The following NINJ2 variants were observed in gnomAD, a reference collection of about 807,000 sequenced individuals.
NINJ2 encodes ninjurin 2.
In NINJ2, 12 loss-of-function variants were observed where a neutral mutation model predicts 11.7. That is an observed-to-expected ratio of 1.02 (90% CI 0.66 to 1.66). NINJ2 has a LOEUF of 1.66. Ranked by LOEUF, NINJ2 falls within the 40% of genes most tolerant of loss-of-function variation. NINJ2 has a pLI of 0.00. For synonymous variants in NINJ2, 93 were observed against 76.8 expected, an observed-to-expected ratio of 1.21 and a Z score of -1.10; for missense variants, 187 against 181.8, an observed-to-expected ratio of 1.03 and a Z score of -0.16.
chr12:658,198 C>T (rs1045729326), intron 1 of NINJ2, among the ~76,000 whole-genome samples: 3 of 151,718 alleles, frequency 2.0e-5, no homozygotes, highest in Non-Finnish European at 4.4e-5. Context: ...GGGGTTTCAC[C>T]ATGTTAGCGA....
At chr12:659,851 C>G (rs1937932887) in intron 1 of NINJ2, among the ~76,000 whole-genome samples, 2 of 152,160 alleles carry the variant, frequency 1.3e-5, no homozygotes, top group African/African-American at 4.8e-5. Flanking sequence ...TCCATGTCAC[C>G]CAGGGCTGCC....
At chr12:631,397 C>T (rs1473519079) in intron 1 of NINJ2, among the ~76,000 whole-genome samples, 1 of 152,136 alleles carries the variant, frequency 6.6e-6, no homozygotes, top group East Asian at 1.9e-4. Context: ...CGGAGTCTCC[C>T]TCTGTCACCA....
intron 1 of NINJ2, among the ~76,000 whole-genome samples, chr12:578,628 A>AT (rs1385005468): frequency 6.6e-6 from 1 of 152,068 alleles, no homozygotes; most frequent in African/African-American, 2.4e-5. Context: ...GAGAGCACCC[A>AT]TTTTTTAAGT....
At chr12:643,410 G>A (rs1032190138) in intron 1 of NINJ2, 1 of 984,202 alleles carries the variant, frequency 1.0e-6, no homozygotes, top group Admixed American at 6.1e-5. Flanking sequence ...GCCAGCCCTC[G>A]GGCCTACATC....
At chr12:601,347 C>A (rs972678965) in intron 1 of NINJ2, among the ~76,000 whole-genome samples, 3 of 143,888 alleles carry the variant, frequency 2.1e-5, no homozygotes, top group Non-Finnish European at 3.0e-5. Context: ...GAGATCGAGA[C>A]CATCCTGGCT....
rs376273418 is a variant in NINJ2 at position 575,636 on chromosome 12, A to AC, written c.34-9459dup. Among the ~76,000 whole-genome samples the AC allele has an allele frequency of 1.6e-3, 241 of 152,224 alleles. 2 individuals carry two copies. The highest frequency in any genetic ancestry group is 5.7e-3 in the African/African-American group (236 of 41,534). On this transcript the variant is annotated intron_variant, in intron 1 of 3. Coordinates refer to ENST00000305108, the MANE Select transcript of NINJ2 (RefSeq NM_016533.6). ...TTCTGCTGCCCACTTTAGCACACGG[A>AC]CCCCATCTTCCACAGGCCTGAGTCT...
At chr12:600,252 G>A (rs1395583288) in intron 1 of NINJ2, among the ~76,000 whole-genome samples, 1 of 152,082 alleles carries the variant, frequency 6.6e-6, no homozygotes, top group East Asian at 1.9e-4. Context: ...TGGAGCTAGA[G>A]GCTTTACAAA....
intron 1 of NINJ2, among the ~76,000 whole-genome samples, chr12:574,299 G>C (rs1219243199): frequency 1.3e-5 from 2 of 152,122 alleles, no homozygotes; most frequent in East Asian, 3.8e-4. Flanking sequence ...ACTCCAGCCA[G>C]GGTGACAGAG....
rs575266358 is a variant in NINJ2 at position 621,294 on chromosome 12, TA to T, written c.33+42033del. On this transcript the variant is annotated intron_variant, in intron 1 of 3. Coordinates refer to ENST00000305108, the MANE Select transcript of NINJ2 (RefSeq NM_016533.6). ...GAGATGCCATCTCTATAAAAAAATT[TA>T]AAAAAAAAATTAGCCAGGCATGATG... is the stretch of plus-strand genomic sequence containing the variant. Among the ~76,000 whole-genome samples the T allele has an allele frequency of 4.5e-3, 670 of 148,740 alleles. 2 individuals carry two copies. The highest frequency in any genetic ancestry group is 0.025 in the South Asian group (117 of 4,680).
chr12:622,337 G>A (rs1246908737), intron 1 of NINJ2, among the ~76,000 whole-genome samples: 6 of 140,140 alleles, frequency 4.3e-5, no homozygotes, highest in East Asian at 2.1e-4. Flanking sequence ...ATGAACCCGG[G>A]AAGCGGAGCT....
At chr12:621,021 G>C (rs139644258) in intron 1 of NINJ2, among the ~76,000 whole-genome samples, 1 of 152,292 alleles carries the variant, frequency 6.6e-6, no homozygotes, top group East Asian at 1.9e-4. Context: ...TCCTGGATGT[G>C]GCTCCTAATT....
At chr12:650,040 G>A (rs1056287232) in intron 1 of NINJ2, among the ~76,000 whole-genome samples, 4 of 151,140 alleles carry the variant, frequency 2.6e-5, no homozygotes, top group South Asian at 4.2e-4. Flanking sequence ...ACACAACTTC[G>A]ATCATTTTCT....
At chr12:572,769 G>A (rs2120801717) in intron 1 of NINJ2, among the ~76,000 whole-genome samples, 1 of 152,098 alleles carries the variant, frequency 6.6e-6, no homozygotes, top group South Asian at 2.1e-4. Flanking sequence ...GAAAATGGAG[G>A]CTCAGAGAGA....
At chr12:636,422 T>C (rs1948353426) in intron 1 of NINJ2, among the ~76,000 whole-genome samples, 2 of 151,058 alleles carry the variant, frequency 1.3e-5, no homozygotes, top group Non-Finnish European at 3.0e-5. Context: ...AATTAAAAAA[T>C]AAAAGAGTGA....
chr12:629,287 C>T (rs1948242299), intron 1 of NINJ2, among the ~76,000 whole-genome samples: 1 of 152,194 alleles, frequency 6.6e-6, no homozygotes, highest in Non-Finnish European at 1.5e-5. Flanking sequence ...GGATGAACAG[C>T]TTCCCAAGTT....
chr12:610,200 C>A, intron 1 of NINJ2: 4 of 708,834 alleles, frequency 5.6e-6, no homozygotes, highest in Non-Finnish European at 4.9e-6. Flanking sequence ...TGCACACACA[C>A]ATTGCCAGAC....
intron 1 of NINJ2, chr12:630,814 C>G (rs1030585961): frequency 1.3e-5 from 2 of 152,344 alleles, no homozygotes; most frequent in Non-Finnish European, 2.9e-5. Context: ...GGCCCCAGCC[C>G]GGCCTCGTGC....
chr12:625,554 G>A (rs551288628), intron 1 of NINJ2, among the ~76,000 whole-genome samples: 1 of 152,212 alleles, frequency 6.6e-6, no homozygotes, highest in East Asian at 1.9e-4. Context: ...TTAGAAGAGG[G>A]AACATCTACA....
chr12:660,020 C>T (rs1326948955), intron 1 of NINJ2, among the ~76,000 whole-genome samples: 2 of 152,130 alleles, frequency 1.3e-5, no homozygotes, highest in Non-Finnish European at 2.9e-5. Flanking sequence ...ACATGTGGCT[C>T]ATGCCTGTAA....
Sources: gnomAD v4.1 joint callset for allele counts (sites outside exome capture counted in the v4.1 genomes callset) on GRCh38, gnomAD v4.1.1 for gene constraint, MANE v1.5 for transcripts, NCBI Gene and HGNC (gene_info 2026-07-23, HGNC 2026-07-21) for gene names.